The following DSCAML1 variants were observed in gnomAD, a reference collection of about 807,000 sequenced individuals.
DSCAML1 encodes DS cell adhesion molecule like 1.
In DSCAML1, 38 loss-of-function variants were observed where a neutral mutation model predicts 200.5. That is an observed-to-expected ratio of 0.19 (90% CI 0.15 to 0.25). The LOEUF is 0.25. Ranked by LOEUF, DSCAML1 falls within the 10% of genes least tolerant of loss-of-function variation. The probability of loss-of-function intolerance (pLI) is 1.00; values close to 1 mark genes in which losing one functional copy is unlikely to be tolerated. For missense variants in DSCAML1, 2,223 were observed against 2,858.8 expected (o/e 0.78, Z 5.07); for synonymous variants, 1,215 against 1,165.0 (o/e 1.04, Z -0.87).
At chr11:117,513,512 G>C (rs1164706809) in intron 8 of DSCAML1, among the ~76,000 whole-genome samples, 1 of 152,138 alleles carries the variant, frequency 6.6e-6, no homozygotes, top group Non-Finnish European at 1.5e-5. Context: ...AGGCCAAGGT[G>C]TGTGGATCAC....
intron 3 of DSCAML1, among the ~76,000 whole-genome samples, chr11:117,551,766 C>G (rs1439158764): frequency 6.7e-6 from 1 of 149,666 alleles, no homozygotes; most frequent in Non-Finnish European, 1.5e-5. Context: ...TGTAATTTAC[C>G]CACAGGGCCT....
At chr11:117,468,829 ATCTC>A (rs1194161877) in intron 16 of DSCAML1, among the ~76,000 whole-genome samples, 1 of 152,184 alleles carries the variant, frequency 6.6e-6, no homozygotes, top group South Asian at 2.1e-4. Flanking sequence ...GTCCTTCTGA[ATCTC>A]TCTCACTCTC....
At chr11:117,625,048 C>A (rs1377908166) in intron 3 of DSCAML1, among the ~76,000 whole-genome samples, 1 of 152,098 alleles carries the variant, frequency 6.6e-6, no homozygotes, top group Non-Finnish European at 1.5e-5. Flanking sequence ...GTTTAAGAGA[C>A]CCCCAGGTGA....
chr11:117,720,524 C>G (rs748846036), intron 3 of DSCAML1, among the ~76,000 whole-genome samples: 7 of 152,184 alleles, frequency 4.6e-5, no homozygotes, highest in Non-Finnish European at 8.8e-5. Context: ...CAAGAGAACA[C>G]GCGAATGAAG....
chr11:117,689,168 G>T (rs536848334), intron 3 of DSCAML1, among the ~76,000 whole-genome samples: 1 of 152,334 alleles, frequency 6.6e-6, no homozygotes, highest in African/African-American at 2.4e-5. Flanking sequence ...CAGAGGCTAA[G>T]GAATTTGTAG....
intron 3 of DSCAML1, among the ~76,000 whole-genome samples, chr11:117,570,735 G>A (rs951171746): frequency 6.6e-6 from 1 of 152,260 alleles, no homozygotes. Flanking sequence ...GCCAGTGGCA[G>A]ATGGCGTGGG....
intron 18 of DSCAML1, 27 bp downstream of exon 18, chr11:117,461,423 C>T: frequency 1.2e-6 from 2 of 1,613,968 alleles, no homozygotes; most frequent in East Asian, 4.5e-5. Flanking sequence ...TCCCCTGAGT[C>T]CCAGCCATCA....
intron 3 of DSCAML1, among the ~76,000 whole-genome samples, chr11:117,716,019 C>G (rs2053946258): frequency 6.6e-6 from 1 of 152,226 alleles, no homozygotes; most frequent in South Asian, 2.1e-4. Flanking sequence ...CTCAGTCACC[C>G]AGCAGCATTA....
At chr11:117,639,146 G>T (rs1040033742) in intron 3 of DSCAML1, among the ~76,000 whole-genome samples, 2 of 152,120 alleles carry the variant, frequency 1.3e-5, no homozygotes, top group Admixed American at 6.6e-5. Context: ...TAAGACTCTT[G>T]TCATCCCAAG....
rs558377021 is a variant in DSCAML1, at chr11:117,761,659, C to T, written c.511+15132G>A. On this transcript the variant is annotated intron_variant, in intron 3 of 32. Transcript: ENST00000651296. ...GCTGAGGTGGGAGGATCACTGTAGT[C>T]GAGGAGTTCAAGACCAGCCTGGGCA... 5.9e-5 allele frequency among the ~76,000 whole-genome samples: 9 copies of T among 152,228 alleles called. No individual in the cohort carries two copies. The East Asian group carries it at 1.5e-3, about 26-fold the overall frequency.
intron 3 of DSCAML1, among the ~76,000 whole-genome samples, chr11:117,628,973 C>T (rs986656890): frequency 1.3e-5 from 2 of 152,088 alleles, no homozygotes; most frequent in Non-Finnish European, 2.9e-5. Flanking sequence ...AGACAGAATC[C>T]ACCCAACCTG....
At chr11:117,758,998 A>C (rs959057862) in intron 3 of DSCAML1, among the ~76,000 whole-genome samples, 1 of 152,122 alleles carries the variant, frequency 6.6e-6, no homozygotes, top group African/African-American at 2.4e-5. Flanking sequence ...CCATCTTGCA[A>C]ACACACACGC....
Position 117,650,951 on chromosome 11 carries a change from T to G in DSCAML1, c.512-118429A>C, listed in dbSNP as rs74526548. Among the ~76,000 whole-genome samples, 121 of 152,302 alleles carry G rather than the reference T, an allele frequency of 7.9e-4. No homozygotes were observed. In the East Asian group the frequency reaches 0.022, roughly 28 times the overall value. On this transcript the variant is annotated intron_variant, in intron 3 of 32. Transcript: ENST00000651296. ...TGGGAGAGTACAGGTAGTAAGAGTTTCCAGGGCAACCTCCAGGGAGAGGAC... is the reference window on the plus strand; with the variant it reads ...TGGGAGAGTACAGGTAGTAAGAGTTGCCAGGGCAACCTCCAGGGAGAGGAC...
At chr11:117,666,527 G>C (rs928365957) in intron 3 of DSCAML1, among the ~76,000 whole-genome samples, 2 of 152,152 alleles carry the variant, frequency 1.3e-5, no homozygotes, top group African/African-American at 4.8e-5. Context: ...TGAGGACAAA[G>C]CTGCTGCCGG....
intron 3 of DSCAML1, among the ~76,000 whole-genome samples, chr11:117,632,616 C>A (rs761207704): frequency 6.6e-6 from 1 of 152,190 alleles, no homozygotes; most frequent in African/African-American, 2.4e-5. Flanking sequence ...CCGTAGTAGA[C>A]TTGCTTTGAG....
chr11:117,529,057 T>A (rs1213753792), intron 4 of DSCAML1, among the ~76,000 whole-genome samples: 2 of 151,924 alleles, frequency 1.3e-5, no homozygotes, highest in Non-Finnish European at 2.9e-5. Flanking sequence ...CTAAGCTTTT[T>A]ATAGGCGGTA....
At chr11:117,734,619 C>G (rs148104784) in intron 3 of DSCAML1, among the ~76,000 whole-genome samples, 1 of 152,202 alleles carries the variant, frequency 6.6e-6, no homozygotes, top group African/African-American at 2.4e-5. Flanking sequence ...TGATCTCTTC[C>G]GTAGCTTTTG....
chr11:117,698,612 T>A (rs2053620807), intron 3 of DSCAML1, among the ~76,000 whole-genome samples: 3 of 152,228 alleles, frequency 2.0e-5, no homozygotes, highest in African/African-American at 7.2e-5. Flanking sequence ...ATAGTAGTCA[T>A]TTTAATGGGT....
In DSCAML1 at chr11:117,504,887, G is replaced by A. The variant is rs775337426; in HGVS notation, c.2182+37C>T. 3 of 1,580,570 alleles carry A rather than the reference G, an allele frequency of 1.9e-6. No homozygotes were observed. The highest frequency in any genetic ancestry group is 4.5e-5 in the East Asian group (2 of 44,188). On this transcript the variant is annotated intron_variant, in intron 10 of 32. Transcript: ENST00000651296. The surrounding 1 kb of genome is among the most constrained non-coding windows in gnomAD (Gnocchi z 5.0). ...AGAGCATCCTCCGTTCCCCGTCCCT[G>A]CCCTTCTTGGAGATTCTGGCTGGGC...
Sources: allele counts gnomAD v4.1 joint callset (sites outside exome capture counted in the v4.1 genomes callset), GRCh38; gene constraint gnomAD v4.1.1; non-coding constraint Gnocchi (gnomAD v3.1); transcripts MANE v1.5; gene names NCBI Gene and HGNC (gene_info 2026-07-23, HGNC 2026-07-21).